The following DCC variants were observed in gnomAD, a reference collection of about 807,000 sequenced individuals.
DCC encodes DCC netrin 1 receptor, also known as netrin receptor DCC.
Under a neutral mutation model 172.5 loss-of-function variants are expected in DCC, and 58 were observed. The ratio of observed to expected loss-of-function variants is 0.34; its 90% confidence interval spans 0.27 to 0.42. DCC has a LOEUF of 0.42. DCC is among the 10% of genes least tolerant of loss of function. DCC has a pLI of 1.00. For missense variants in DCC, 1,740 were observed against 1,791.0 expected (o/e 0.97, Z 0.51); for synonymous variants, 709 against 644.5 (o/e 1.10, Z -1.52).
intron 2 of DCC, among the ~76,000 whole-genome samples, chr18:52,798,143 T>C (rs1237321482): frequency 3.3e-5 from 5 of 152,086 alleles, no homozygotes; most frequent in Non-Finnish European, 7.3e-5. Flanking sequence ...CAACCATCAG[T>C]ATCAGATAGG....
At chr18:52,496,695 T>G (rs930477329) in intron 1 of DCC, among the ~76,000 whole-genome samples, 3 of 152,140 alleles carry the variant, frequency 2.0e-5, no homozygotes, top group Non-Finnish European at 4.4e-5. Flanking sequence ...GAAATTTCAG[T>G]GAACACAGCC....
At chr18:53,396,896 C>T (rs1016653524) in intron 17 of DCC, among the ~76,000 whole-genome samples, 1 of 152,014 alleles carries the variant, frequency 6.6e-6, no homozygotes, top group Admixed American at 6.6e-5. Flanking sequence ...GGAATTTGTC[C>T]TGTTGTTCTG....
intron 1 of DCC, among the ~76,000 whole-genome samples, chr18:52,509,104 T>G (rs1445307549): frequency 2.0e-5 from 3 of 152,246 alleles, no homozygotes; most frequent in Non-Finnish European, 2.9e-5. Context: ...TTTTTTCAAC[T>G]GTAAATTTTA....
At chr18:53,246,299 C>G (rs546627520) in intron 12 of DCC, among the ~76,000 whole-genome samples, 1 of 152,012 alleles carries the variant, frequency 6.6e-6, no homozygotes, top group Non-Finnish European at 1.5e-5. Context: ...TATTTACTCA[C>G]TTTCTTTCAA....
intron 12 of DCC, among the ~76,000 whole-genome samples, chr18:53,282,914 G>C (rs936970330): frequency 6.6e-6 from 1 of 152,130 alleles, no homozygotes; most frequent in African/African-American, 2.4e-5. Flanking sequence ...GAAAATCGAT[G>C]TGTGCAGAAT....
intron 1 of DCC, among the ~76,000 whole-genome samples, chr18:52,462,394 C>T (rs1389901373): frequency 6.6e-6 from 1 of 152,134 alleles, no homozygotes; most frequent in East Asian, 1.9e-4. Flanking sequence ...CATTTTATCT[C>T]CCAGCCCACA....
At chr18:52,505,913 C>A (rs927190308) in intron 1 of DCC, among the ~76,000 whole-genome samples, 13 of 151,940 alleles carry the variant, frequency 8.6e-5, no homozygotes, top group Admixed American at 8.5e-4. Flanking sequence ...ATCAGTTGTG[C>A]TAAAAAAGGT....
chr18:52,340,629 AG>A lies in DCC; in HGVS notation c.-155del. 1.3e-6 allele frequency: 1 copy of A among 744,464 alleles called. No homozygotes were observed. Among genetic ancestry groups the A allele is most frequent in the Non-Finnish European group, 2.5e-6 (1 of 405,194 alleles). The allele number at this position is 744,464 out of a possible 1,614,324, so 46.1% of individuals were successfully genotyped here. A position where few individuals can be genotyped will look rare whatever the true frequency, so the allele number is the denominator to read the frequency against. On this transcript the variant is annotated 5_prime_UTR_variant, in exon 1 of 29. Transcript: ENST00000442544. ...AAGGCTTCGAAGGCAGCAGAGGCGC[AG>A]GGGAGGTGGAGAAAGAGGTGGAGGA...
chr18:53,049,670 C>T (rs1599069404), intron 5 of DCC, among the ~76,000 whole-genome samples: 1 of 151,764 alleles, frequency 6.6e-6, no homozygotes, highest in African/African-American at 2.4e-5. Context: ...TATTTAGGCT[C>T]TTTTTCTTTT....
chr18:53,351,363 T>A (rs2057800043), intron 15 of DCC, among the ~76,000 whole-genome samples: 1 of 82,946 alleles, frequency 1.2e-5, no homozygotes, highest in African/African-American at 4.5e-5. Context: ...AGTATATATA[T>A]ATACTGTATA....
rs535639617 is a variant in DCC, at chr18:53,113,875, G to GACA, written c.1262-43481_1262-43480insACA. Among the ~76,000 whole-genome samples, 364 of 151,286 alleles carry GACA rather than the reference G, an allele frequency of 2.4e-3. 1 individual carries two copies. The highest frequency in any genetic ancestry group is 8.3e-3 in the African/African-American group (345 of 41,358). ...GCTTCACTTTCTGTCATTTTATTAT[G>GACA]TAATCTTAACTAAGCCTTGCCAATG... On this transcript the variant is annotated intron_variant, in intron 7 of 28. Coordinates refer to ENST00000442544, the MANE Select transcript of DCC (RefSeq NM_005215.4).
chr18:52,468,973 T>C (rs1456946390), intron 1 of DCC, among the ~76,000 whole-genome samples: 1 of 152,192 alleles, frequency 6.6e-6, no homozygotes, highest in African/African-American at 2.4e-5. Context: ...CTGACAACAA[T>C]AAGCTAACTA....
chr18:52,687,226 C>T (rs1390229400), intron 1 of DCC, among the ~76,000 whole-genome samples: 1 of 151,424 alleles, frequency 6.6e-6, no homozygotes, highest in Non-Finnish European at 1.5e-5. Context: ...TCTTTTGGAA[C>T]ATTAGCTAAA....
At chr18:53,279,271 G>A (rs1331519712) in intron 12 of DCC, among the ~76,000 whole-genome samples, 1 of 151,936 alleles carries the variant, frequency 6.6e-6, no homozygotes, top group East Asian at 1.9e-4. Context: ...TGATAGACTG[G>A]ATTAAGAAAA....
chr18:52,535,796 A>G (rs2032271401), intron 1 of DCC, among the ~76,000 whole-genome samples: 2 of 152,214 alleles, frequency 1.3e-5, no homozygotes, highest in African/African-American at 4.8e-5. Context: ...CCATTTGCTT[A>G]GCACTCATTA....
At chr18:53,465,958 G>A (rs1021813150) in intron 24 of DCC, among the ~76,000 whole-genome samples, 4 of 151,914 alleles carry the variant, frequency 2.6e-5, no homozygotes, top group African/African-American at 7.3e-5. Flanking sequence ...TAGAGACAGG[G>A]TTTCACCATG....
chr18:53,101,673 G>A (rs1167447356), intron 7 of DCC, among the ~76,000 whole-genome samples: 1 of 152,096 alleles, frequency 6.6e-6, no homozygotes, highest in Admixed American at 6.6e-5. Context: ...TTCTTCTACA[G>A]CCATTCTCCC....
At chr18:53,515,414 C>T (rs1027514271) in intron 27 of DCC, among the ~76,000 whole-genome samples, 1 of 150,656 alleles carries the variant, frequency 6.6e-6, no homozygotes, top group Non-Finnish European at 1.5e-5. Context: ...TCTCTCACCA[C>T]TCGTATTCAA....
chr18:53,439,537 A>G (rs1912136401), intron 22 of DCC, among the ~76,000 whole-genome samples: 1 of 152,214 alleles, frequency 6.6e-6, no homozygotes, highest in Non-Finnish European at 1.5e-5. Context: ...AGGATACTCA[A>G]GCCAGTTGCA....
Sources: gnomAD v4.1 joint callset for allele counts (sites outside exome capture counted in the v4.1 genomes callset) on GRCh38, gnomAD v4.1.1 for gene constraint, MANE v1.5 for transcripts, NCBI Gene and HGNC (gene_info 2026-07-23, HGNC 2026-07-21) for gene names.